TECPR2: variants seen among roughly 807,000 people sequenced by gnomAD.
TECPR2 encodes the protein tectonin beta-propeller repeat containing 2, also known as tectonin beta-propeller repeat-containing protein 2.
TECPR2 carries 65 observed loss-of-function variants against 138.1 expected under a neutral mutation model. That is an observed-to-expected ratio of 0.47 (90% CI 0.39 to 0.58). The LOEUF (loss-of-function observed/expected upper bound fraction) is 0.58. Among genes scored for constraint, TECPR2 ranks in the 20% least tolerant of loss-of-function variants. TECPR2 has a pLI of 0.00. For missense variants in TECPR2, 1,553 were observed against 1,824.5 expected (o/e 0.85, Z 2.71); for synonymous variants, 746 against 749.8 (o/e 0.99, Z 0.08).
chr14:102,484,672 T>C (rs539450041), intron 17 of TECPR2, among the ~76,000 whole-genome samples: 1 of 152,274 alleles, frequency 6.6e-6, no homozygotes, highest in South Asian at 2.1e-4. Context: ...GAACCTTTTT[T>C]CTTTGAGATG....
chr14:102,458,878 G>T (rs920602185), intron 16 of TECPR2, among the ~76,000 whole-genome samples: 14 of 151,370 alleles, frequency 9.2e-5, no homozygotes, highest in South Asian at 2.1e-4. Flanking sequence ...GGGAGGCTGA[G>T]GCAGGAGGAT....
chr14:102,450,696 C>T, intron 15 of TECPR2, 47 bp downstream of exon 15: 5 of 1,592,958 alleles, frequency 3.1e-6, no homozygotes, highest in Non-Finnish European at 4.3e-6. Context: ...ACAGCTTGGC[C>T]ATTGGAAAGG....
intron 1 of TECPR2, among the ~76,000 whole-genome samples, chr14:102,373,601 A>T (rs1286146790): frequency 1.3e-5 from 2 of 152,218 alleles, no homozygotes; most frequent in Non-Finnish European, 2.9e-5. Flanking sequence ...CCCCATTGTA[A>T]GTTGAGGAGC....
At chr14:102,428,168 A>T (rs1265010001) in intron 6 of TECPR2, 82 bp from the exon 7 acceptor site, 5 of 1,444,266 alleles carry the variant, frequency 3.5e-6, no homozygotes, top group Admixed American at 5.9e-5. Context: ...TTGGACTCTC[A>T]CACATGCATT....
chr14:102,397,856 C>T (rs1888355922), intron 2 of TECPR2, among the ~76,000 whole-genome samples: 2 of 150,192 alleles, frequency 1.3e-5, no homozygotes, highest in African/African-American at 4.9e-5. Flanking sequence ...TCAGTTGAGT[C>T]CAGGAGTTCA....
intron 6 of TECPR2, among the ~76,000 whole-genome samples, chr14:102,425,503 A>G (rs1889292647): frequency 6.6e-6 from 1 of 152,146 alleles, no homozygotes; most frequent in African/African-American, 2.4e-5. Context: ...TTTAGGTCCA[A>G]TTTTCTGCCG....
chr14:102,407,303 A>G (rs1888684344), intron 2 of TECPR2, 35 bp from the exon 3 acceptor site: 1 of 1,558,138 alleles, frequency 6.4e-7, no homozygotes. Flanking sequence ...AAGCCTGCAT[A>G]GTTACAGATT....
At chr14:102,412,060 TTATGTATTGG>T (rs1267648632) in intron 4 of TECPR2, among the ~76,000 whole-genome samples, 4 of 151,966 alleles carry the variant, frequency 2.6e-5, no homozygotes, top group Admixed American at 6.6e-5. Flanking sequence ...TTTTGTAACA[TTATGTATTGG>T]TCACTTAGAA....
rs750578236 is a variant in TECPR2, at chr14:102,435,042, A to G, written c.2225A>G (p.Gln742Arg). ...AASTHKPWLE[Q>R]PPRDQTLTSS... ...AGCACTCACAAGCCCTGGCTTGAGC[A>G]GCCTCCACGGGATCAGACATTGACG... Residue 742 changes from glutamine to arginine, a missense_variant, in exon 9 of 20, where the codon CAG (glutamine) becomes CGG (arginine). Physicochemically the swap from Gln to Arg is conservative, Grantham distance 43. Coordinates refer to ENST00000359520, the MANE Select transcript of TECPR2 (RefSeq NM_014844.5). 2 of 1,614,110 alleles carry G rather than the reference A, an allele frequency of 1.2e-6. No individual in the cohort carries two copies. Among genetic ancestry groups the G allele is most frequent in the South Asian group, 1.1e-5 (1 of 91,084 alleles).
At chr14:102,479,846 G>A (rs541646647) in intron 17 of TECPR2, among the ~76,000 whole-genome samples, 3 of 152,334 alleles carry the variant, frequency 2.0e-5, no homozygotes, top group Non-Finnish European at 2.9e-5. Flanking sequence ...TGGCCTGCAC[G>A]CAGGTGCCTT....
intron 6 of TECPR2, among the ~76,000 whole-genome samples, chr14:102,426,731 C>T (rs1360615765): frequency 1.3e-5 from 2 of 152,002 alleles, no homozygotes; most frequent in Admixed American, 6.6e-5. Flanking sequence ...TGGTGGTGGG[C>T]GCCTGTAGTC....
intron 14 of TECPR2, 38 bp from the exon 15 acceptor site, chr14:102,450,522 T>G (rs1890110267): frequency 1.1e-5 from 17 of 1,606,378 alleles, no homozygotes; most frequent in Non-Finnish European, 1.4e-5. Context: ...GTCTATGCTT[T>G]CTTTCTTTAA....
At chr14:102,393,209 A>G (rs1597780470) in intron 2 of TECPR2, among the ~76,000 whole-genome samples, 1 of 152,136 alleles carries the variant, frequency 6.6e-6, no homozygotes, top group Non-Finnish European at 1.5e-5. Flanking sequence ...TGGATTTTCC[A>G]TACTTTCTTG....
Position 102,426,217 on chromosome 14 carries a change from T to C in TECPR2, c.951+926T>C, listed in dbSNP as rs1232827532. ...TGGTTTTTTTTTTGTTTTTTGTTTTTTATTTTCAGTTTTCTTTACTTAGCA... is the reference window on the plus strand; with the variant it reads ...TGGTTTTTTTTTTGTTTTTTGTTTTCTATTTTCAGTTTTCTTTACTTAGCA... On this transcript the variant is annotated intron_variant, in intron 6 of 19. Coordinates refer to ENST00000359520, the MANE Select transcript of TECPR2 (RefSeq NM_014844.5). Among the ~76,000 whole-genome samples, 4 of 152,100 alleles carry C rather than the reference T, an allele frequency of 2.6e-5. No homozygotes were observed. The East Asian group carries it at 5.8e-4, about 22-fold the overall frequency.
At chr14:102,474,241 CTGGGCAA>C (rs1252940049) in intron 17 of TECPR2, among the ~76,000 whole-genome samples, 1 of 152,030 alleles carries the variant, frequency 6.6e-6, no homozygotes. Context: ...GCACTCCAGA[CTGGGCAA>C]CAGAGCAAGA....
intron 2 of TECPR2, among the ~76,000 whole-genome samples, chr14:102,378,110 G>A (rs998123885): frequency 1.3e-5 from 2 of 152,192 alleles, no homozygotes; most frequent in Admixed American, 6.5e-5. Flanking sequence ...TATTGAGTAC[G>A]TCACTTTTGT....
At chr14:102,386,770 A>G (rs886187024) in intron 2 of TECPR2, among the ~76,000 whole-genome samples, 1 of 152,196 alleles carries the variant, frequency 6.6e-6, no homozygotes, top group African/African-American at 2.4e-5. Flanking sequence ...TTTGGCTGCC[A>G]GTTATTAGTG....
intron 1 of TECPR2, among the ~76,000 whole-genome samples, chr14:102,369,348 G>A (rs1439429980): frequency 6.6e-6 from 1 of 152,136 alleles, no homozygotes; most frequent in East Asian, 1.9e-4. Flanking sequence ...TCATTTGACA[G>A]AGCTACTATG....
intron 12 of TECPR2, among the ~76,000 whole-genome samples, chr14:102,444,770 G>A (rs1449081226): frequency 2.0e-5 from 3 of 152,130 alleles, no homozygotes; most frequent in African/African-American, 4.8e-5. Flanking sequence ...TCAAGAGTTC[G>A]AGACCAGACT....
Sources: allele counts gnomAD v4.1 joint callset (sites outside exome capture counted in the v4.1 genomes callset), GRCh38; gene constraint gnomAD v4.1.1; transcripts MANE v1.5; gene names NCBI Gene and HGNC (gene_info 2026-07-23, HGNC 2026-07-21).